CCNYL1: variants seen among roughly 807,000 people sequenced by gnomAD.
CCNYL1 encodes the protein cyclin Y like 1.
CCNYL1 carries 16 observed loss-of-function variants against 44.2 expected under a neutral mutation model. That is an observed-to-expected ratio of 0.36 (90% confidence interval 0.25 to 0.55). The LOEUF is 0.55. Among genes scored for constraint, CCNYL1 ranks in the 20% least tolerant of loss-of-function variants. The pLI, the probability that CCNYL1 is intolerant of heterozygous loss-of-function variation, is 0.85. For synonymous variants in CCNYL1, 159 were observed against 163.2 expected, an observed-to-expected ratio of 0.97 and a Z score of 0.20; for missense variants, 348 against 451.8, an observed-to-expected ratio of 0.77 and a Z score of 2.08.
intron 7 of CCNYL1, among the ~76,000 whole-genome samples, chr2:207,745,188 G>C (rs1283801722): frequency 6.6e-6 from 1 of 152,196 alleles, no homozygotes; most frequent in African/African-American, 2.4e-5. Context: ...CCGGGGAGTT[G>C]TGGGGAGGGG....
At chr2:207,730,646 T>G (rs1324060903) in intron 3 of CCNYL1, among the ~76,000 whole-genome samples, 6 of 152,168 alleles carry the variant, frequency 3.9e-5, no homozygotes, top group Non-Finnish European at 7.4e-5. Flanking sequence ...TAATCCCAGC[T>G]GCTCGGGAGG....
intron 2 of CCNYL1, among the ~76,000 whole-genome samples, chr2:207,725,979 G>A (rs548695723): frequency 2.0e-5 from 3 of 152,292 alleles, no homozygotes; most frequent in South Asian, 2.1e-4. Context: ...CAGCATTTTC[G>A]AAGCTCGTGT....
chr2:207,736,918 GTTT>G (rs776221094), intron 4 of CCNYL1, among the ~76,000 whole-genome samples: 1 of 141,574 alleles, frequency 7.1e-6, no homozygotes, highest in Non-Finnish European at 1.6e-5. Context: ...ATATTACTGG[GTTT>G]TTTTTTTTTT....
intron 5 of CCNYL1, among the ~76,000 whole-genome samples, chr2:207,740,275 TCA>T (rs2091797919): frequency 6.6e-6 from 1 of 152,364 alleles, no homozygotes; most frequent in East Asian, 1.9e-4. Context: ...TGAATTTCAT[TCA>T]CAGTCATTAA....
chr2:207,755,983 A>ACAT lies in CCNYL1; in HGVS notation c.*2286_*2288dup, dbSNP rs1309858001. The stretch of plus-strand genomic sequence containing the variant: ...TTTCCATCATTTTTAAAGGACAGAG[A>ACAT]CATAAATGATAAATAATGGTATACA... On this transcript the variant is annotated 3_prime_UTR_variant, in exon 10 of 10. Coordinates refer to ENST00000295414, the MANE Select transcript of CCNYL1 (RefSeq NM_001330218.2). 6.6e-6 allele frequency: 1 copy of ACAT among 151,558 alleles called. No homozygotes were observed. Among genetic ancestry groups the ACAT allele is most frequent in the African/African-American group, 2.5e-5 (1 of 40,804 alleles). The allele number at this position is 151,558 out of a possible 1,614,324, so 9.4% of individuals were successfully genotyped here.
At position 207,734,674 on chromosome 2, in the gene CCNYL1, G is replaced by C. The variant is rs375737178; in HGVS notation, c.431+627G>C. On this transcript the variant is annotated intron_variant, in intron 4 of 9. Coordinates refer to ENST00000295414, the MANE Select transcript of CCNYL1 (RefSeq NM_001330218.2). ...TTGATTTTCAGAACACCGTTGGGAA[G>C]TGCTACACTAGAATATTAATGTCCT... is the stretch of plus-strand genomic sequence containing the variant. Among the ~76,000 whole-genome samples the C allele has an allele frequency of 2.8e-4, 42 of 152,210 alleles. 1 individual carries two copies. The highest frequency in any genetic ancestry group is 9.6e-4 in the African/African-American group (40 of 41,456).
At chr2:207,742,185 T>G in intron 6 of CCNYL1, 38 bp from the exon 7 acceptor site, 3 of 1,561,332 alleles carry the variant, frequency 1.9e-6, no homozygotes, top group Non-Finnish European at 2.6e-6. Context: ...AATTTTTTTC[T>G]TCAGTGGATA....
chr2:207,728,994 T>A (rs2091700810), intron 3 of CCNYL1, among the ~76,000 whole-genome samples: 1 of 151,996 alleles, frequency 6.6e-6, no homozygotes, highest in Admixed American at 6.6e-5. Flanking sequence ...AGAAGGGATT[T>A]TACCATGTTG....
intron 7 of CCNYL1, among the ~76,000 whole-genome samples, chr2:207,743,806 T>TTTTTTG (rs61405839): frequency 0.15 from 22,858 of 151,510 alleles, 2,827 homozygotes; most frequent in East Asian, 0.37. Flanking sequence ...ACTATTCTTG[T>TTTTTTG]TTTTTGTTTT....
chr2:207,736,800 A>C (rs2091768137), intron 4 of CCNYL1, among the ~76,000 whole-genome samples: 1 of 152,236 alleles, frequency 6.6e-6, no homozygotes, highest in African/African-American at 2.4e-5. Flanking sequence ...GTATACAAAT[A>C]GGTAGAACTT....
At chr2:207,751,239 A>G (rs1490676556) in intron 9 of CCNYL1, 120 bp downstream of exon 9, 10 of 793,324 alleles carry the variant, frequency 1.3e-5, no homozygotes, top group Non-Finnish European at 1.8e-5. Flanking sequence ...CTAACACTGA[A>G]GAGCTTATTA....
chr2:207,745,777 C>T (rs1050734745), intron 7 of CCNYL1, among the ~76,000 whole-genome samples: 5 of 152,046 alleles, frequency 3.3e-5, no homozygotes, highest in African/African-American at 1.2e-4. Flanking sequence ...GGTGAAACCC[C>T]GTCTCTACTA....
chr2:207,741,389 G>GTT (rs551065403), intron 6 of CCNYL1, among the ~76,000 whole-genome samples: 243 of 152,288 alleles, frequency 1.6e-3, no homozygotes, highest in African/African-American at 5.5e-3. Flanking sequence ...AATTTTCTGA[G>GTT]TTGTGCCTGT....
chr2:207,726,857 A>G lies in CCNYL1; in HGVS notation c.311A>G (p.Lys104Arg). 3 of 1,566,194 alleles carry G rather than the reference A, an allele frequency of 1.9e-6. No individual in the cohort carries two copies. Among genetic ancestry groups the G allele is most frequent in the Non-Finnish European group, 2.6e-6 (3 of 1,162,918 alleles). Residue 104 changes from lysine (K) to arginine (R), a missense_variant, in exon 3 of 10, where the codon AAG (lysine) becomes AGG (arginine). Physicochemically the swap from Lys to Arg is conservative, Grantham distance 26. This residue lies in a region of CCNYL1 where 209 missense variants were observed against 247.7 expected (regional missense o/e 0.84). Transcript: ENST00000295414. Reference sequence around the variant, plus strand: ...TTATTCTTAGTGCGAGAAAAGAGGAAGAGCAACCATTTGAACCATGTAAGT... The same window carrying G: ...TTATTCTTAGTGCGAGAAAAGAGGAGGAGCAACCATTTGAACCATGTAAGT... ...KSQTDVREKR[K>R]SNHLNHVSPG...
intron 1 of CCNYL1, among the ~76,000 whole-genome samples, chr2:207,716,200 G>A (rs993402569): frequency 6.6e-6 from 1 of 152,122 alleles, no homozygotes; most frequent in Non-Finnish European, 1.5e-5. Flanking sequence ...TAATTTGCTG[G>A]CTAAAGGCGC....
At chr2:207,724,284 A>G (rs2091663465) in intron 1 of CCNYL1, among the ~76,000 whole-genome samples, 1 of 152,224 alleles carries the variant, frequency 6.6e-6, no homozygotes, top group South Asian at 2.1e-4. Flanking sequence ...AAAAAACCAC[A>G]GCTAACTAAA....
chr2:207,727,146 A>C (rs1262205535), intron 3 of CCNYL1, among the ~76,000 whole-genome samples: 1 of 152,208 alleles, frequency 6.6e-6, no homozygotes. Flanking sequence ...TTTTGCCTAA[A>C]GTTTTTAATC....
chr2:207,752,544 AAAAT>A (rs1181770790), intron 9 of CCNYL1, among the ~76,000 whole-genome samples: 1 of 152,072 alleles, frequency 6.6e-6, no homozygotes, highest in East Asian at 1.9e-4. Flanking sequence ...CAAAAAAAAA[AAAAT>A]AATAATGTAG....
At chr2:207,737,662 T>C (rs1005867303) in intron 5 of CCNYL1, among the ~76,000 whole-genome samples, 1 of 151,692 alleles carries the variant, frequency 6.6e-6, no homozygotes, top group African/African-American at 2.4e-5. Context: ...TATATTGATA[T>C]TTATTGCATT....
Sources: gnomAD v4.1 joint callset for allele counts (sites outside exome capture counted in the v4.1 genomes callset) on GRCh38, gnomAD v4.1.1 for gene constraint, gnomAD v4.1.1 regional missense constraint, MANE v1.5 for transcripts, NCBI Gene and HGNC (gene_info 2026-07-23, HGNC 2026-07-21) for gene names.